The following NLK variants were observed in gnomAD, a reference collection of about 807,000 sequenced individuals.
NLK encodes the protein nemo like kinase, also known as serine/threonine-protein kinase NLK.
NLK carries 11 observed loss-of-function variants against 59.0 expected under a neutral mutation model. The ratio of observed to expected loss-of-function variants is 0.19; its 90% CI spans 0.12 to 0.31. NLK has a LOEUF of 0.31. NLK is among the 10% of genes least tolerant of loss of function. The pLI is 1.00. For missense variants in NLK, 410 were observed against 661.1 expected, an observed-to-expected ratio of 0.62 and a Z score of 4.16; for synonymous variants, 235 against 235.9, an observed-to-expected ratio of 1.00 and a Z score of 0.03.
chr17:28,053,386 T>A (rs1029929193), intron 1 of NLK, among the ~76,000 whole-genome samples: 1 of 152,236 alleles, frequency 6.6e-6, no homozygotes, highest in Non-Finnish European at 1.5e-5. Context: ...CCTTTTCTTT[T>A]CTGAAGCTTT....
intron 1 of NLK, among the ~76,000 whole-genome samples, chr17:28,065,145 T>C (rs1239198687): frequency 6.6e-6 from 1 of 152,176 alleles, no homozygotes; most frequent in Non-Finnish European, 1.5e-5. Context: ...TACAGAATGG[T>C]TACTGTGGGA....
At chr17:28,066,243 T>G (rs529778019) in intron 1 of NLK, among the ~76,000 whole-genome samples, 35 of 152,350 alleles carry the variant, frequency 2.3e-4, no homozygotes, top group African/African-American at 8.2e-4. Context: ...TTTCTTTCCC[T>G]TCGCAGCCAA....
chr17:28,061,483 G>C (rs1286644184), intron 1 of NLK, among the ~76,000 whole-genome samples: 1 of 152,078 alleles, frequency 6.6e-6, no homozygotes, highest in Non-Finnish European at 1.5e-5. Flanking sequence ...TACATGGTTT[G>C]TGGAGGCCTC....
the NLK span, among the ~76,000 whole-genome samples, chr17:28,202,687 C>CTTT: frequency 1.6e-4 from 21 of 133,432 alleles, no homozygotes; most frequent in Non-Finnish European, 8.0e-5. Context: ...TCTTTTTTTT[C>CTTT]TTTTTTTTTT....
chr17:28,098,585 A>T (rs1180347226), intron 1 of NLK, among the ~76,000 whole-genome samples: 2 of 148,606 alleles, frequency 1.3e-5, no homozygotes, highest in East Asian at 2.0e-4. Context: ...TTGGATGGAT[A>T]TTTCATTATT....
At chr17:28,200,758 A>G (rs1909609019), downstream of NLK, among the ~76,000 whole-genome samples, 1 of 152,244 alleles carries the variant, frequency 6.6e-6, no homozygotes, top group Non-Finnish European at 1.5e-5. Context: ...TGTTGGGATT[A>G]CAGGCAAGCC....
chr17:28,183,819 A>C (rs1339624309), intron 7 of NLK, among the ~76,000 whole-genome samples: 1 of 152,224 alleles, frequency 6.6e-6, no homozygotes, highest in Non-Finnish European at 1.5e-5. Context: ...TAATTTGGCC[A>C]TAAGTCTAGA....
At chr17:28,072,079 A>G (rs1332311316) in intron 1 of NLK, among the ~76,000 whole-genome samples, 1 of 152,190 alleles carries the variant, frequency 6.6e-6, no homozygotes, top group Non-Finnish European at 1.5e-5. Context: ...CTTGTTATGC[A>G]AAGTGTCATA....
intron 1 of NLK, among the ~76,000 whole-genome samples, chr17:28,122,055 C>T (rs1328254032): frequency 6.6e-6 from 1 of 152,166 alleles, no homozygotes; most frequent in African/African-American, 2.4e-5. Context: ...CTACAGGGAT[C>T]CCTAAGCTGG....
At chr17:28,147,379 T>C (rs1031784118) in intron 3 of NLK, among the ~76,000 whole-genome samples, 1 of 152,208 alleles carries the variant, frequency 6.6e-6, no homozygotes, top group Non-Finnish European at 1.5e-5. Flanking sequence ...TCTGAGGAAT[T>C]ACCTTTGACA....
intron 6 of NLK, among the ~76,000 whole-genome samples, chr17:28,172,122 T>C (rs958775791): frequency 3.3e-5 from 5 of 151,080 alleles, no homozygotes; most frequent in African/African-American, 1.2e-4. Flanking sequence ...ATAACAGGAA[T>C]TTATTTAAAT....
At chr17:28,098,031 A>T (rs1021731851) in intron 1 of NLK, among the ~76,000 whole-genome samples, 3 of 152,204 alleles carry the variant, frequency 2.0e-5, no homozygotes, top group African/African-American at 7.2e-5. Context: ...GGTTATTAAT[A>T]GATTAATCTT....
At chr17:28,097,917 C>T (rs1904759203) in intron 1 of NLK, among the ~76,000 whole-genome samples, 1 of 152,120 alleles carries the variant, frequency 6.6e-6, no homozygotes, top group Non-Finnish European at 1.5e-5. Flanking sequence ...TGTTCCTTTT[C>T]ATTTTTTTCT....
chr17:28,062,574 A>G (rs1909697180), intron 1 of NLK, among the ~76,000 whole-genome samples: 1 of 152,182 alleles, frequency 6.6e-6, no homozygotes, highest in South Asian at 2.1e-4. Context: ...ACAACAAACC[A>G]TAGGATAAAT....
At chr17:28,154,713 G>A (rs1907628741) in intron 3 of NLK, among the ~76,000 whole-genome samples, 2 of 151,972 alleles carry the variant, frequency 1.3e-5, no homozygotes, top group African/African-American at 4.8e-5. Flanking sequence ...TCTATATATA[G>A]GATGTTTATC....
At chr17:28,066,203 C>T (rs1463433298) in intron 1 of NLK, among the ~76,000 whole-genome samples, 1 of 152,158 alleles carries the variant, frequency 6.6e-6, no homozygotes, top group Non-Finnish European at 1.5e-5. Context: ...TAAATTCAAC[C>T]CTCATCCTCT....
At chr17:28,088,206 A>T (rs1245383479) in intron 1 of NLK, among the ~76,000 whole-genome samples, 1 of 151,948 alleles carries the variant, frequency 6.6e-6, no homozygotes, top group Non-Finnish European at 1.5e-5. Context: ...TTGTTTTTTG[A>T]TGGGTGGCTA....
At chr17:28,166,140 G>A (rs1908223966) in intron 5 of NLK, among the ~76,000 whole-genome samples, 1 of 152,202 alleles carries the variant, frequency 6.6e-6, no homozygotes, top group Non-Finnish European at 1.5e-5. Context: ...ACTTGAACCT[G>A]AGAGGCAGAC....
At chr17:28,107,176 G>A (rs989368250) in intron 1 of NLK, among the ~76,000 whole-genome samples, 2 of 152,168 alleles carry the variant, frequency 1.3e-5, no homozygotes, top group African/African-American at 4.8e-5. Context: ...GCTCACGCCT[G>A]TAATCCTAGC....
Sources: allele counts gnomAD v4.1 joint callset (sites outside exome capture counted in the v4.1 genomes callset), GRCh38; gene constraint gnomAD v4.1.1; transcripts MANE v1.5; gene names NCBI Gene and HGNC (gene_info 2026-07-23, HGNC 2026-07-21).